The following NHSL1 variants were observed in gnomAD, a reference collection of about 807,000 sequenced individuals.
NHSL1 encodes the protein NHS like 1, also known as NHS-like protein 1.
A neutral mutation model predicts 95.0 loss-of-function variants in NHSL1; 48 were observed. The observed-to-expected ratio is 0.51, with a 90% CI of 0.40 to 0.64. The LOEUF (loss-of-function observed/expected upper bound fraction) is 0.64, where lower values mean the gene tolerates loss of function less well. NHSL1 is among the 30% of genes least tolerant of loss of function. NHSL1 has a pLI of 0.00. For missense variants in NHSL1, 1,971 were observed against 2,077.7 expected (o/e 0.95, Z 1.00); for synonymous variants, 783 against 833.9 (o/e 0.94, Z 1.05).
intron 2 of NHSL1, among the ~76,000 whole-genome samples, chr6:138,478,712 T>C (rs1779239190): frequency 6.6e-6 from 1 of 152,348 alleles, no homozygotes; most frequent in East Asian, 1.9e-4. Context: ...AGAAGACCAA[T>C]CGTTCACACA....
chr6:138,544,788 T>A (rs1336421476), intron 1 of NHSL1, among the ~76,000 whole-genome samples: 2 of 152,088 alleles, frequency 1.3e-5, no homozygotes, highest in Non-Finnish European at 2.9e-5. Context: ...CACTCTCACA[T>A]GCCTACATTA....
intron 1 of NHSL1, among the ~76,000 whole-genome samples, chr6:138,555,924 G>A (rs966039526): frequency 3.3e-5 from 5 of 151,996 alleles, no homozygotes; most frequent in Non-Finnish European, 5.9e-5. Context: ...CCTTGAGCAA[G>A]CTAACTCACT....
intron 1 of NHSL1, among the ~76,000 whole-genome samples, chr6:138,633,053 C>T (rs9495170): frequency 0.098 from 14,824 of 151,846 alleles, 899 homozygotes; most frequent in African/African-American, 0.17. Context: ...ATAAAAAATG[C>T]AATTAGCCTA....
chr6:138,443,404 C>T (rs562302017), intron 4 of NHSL1, among the ~76,000 whole-genome samples: 4 of 152,286 alleles, frequency 2.6e-5, no homozygotes, highest in East Asian at 1.9e-4. Flanking sequence ...AAAACTGGGT[C>T]GCTAAGTGCA....
intron 1 of NHSL1, among the ~76,000 whole-genome samples, chr6:138,691,283 A>T (rs984834136): frequency 2.6e-5 from 4 of 152,188 alleles, no homozygotes; most frequent in Non-Finnish European, 5.9e-5. Context: ...CACAATTCAT[A>T]TGAATGTGTT....
In NHSL1 at chr6:138,689,315, A is replaced by G. The variant is rs144459175; in HGVS notation, c.96+3161T>C. Among the ~76,000 whole-genome samples, 1,130 of 152,360 alleles carry G rather than the reference A, an allele frequency of 7.4e-3. 12 individuals carry two copies. Among genetic ancestry groups the G allele is most frequent in the African/African-American group, 0.026 (1,076 of 41,580 alleles). ...CGAGGTGAACCAATGCCATGGGAAC[A>G]GCCCCTCAACCTGGGGGTGTCAGGG... On this transcript the variant is annotated intron_variant, in intron 1 of 3. Coordinates refer to the NHSL1 transcript ENST00000491526.
intron 1 of NHSL1, among the ~76,000 whole-genome samples, chr6:138,507,633 TC>T (rs1011685183): frequency 1.1e-4 from 16 of 152,186 alleles, no homozygotes; most frequent in African/African-American, 3.9e-4. Flanking sequence ...AGAGATACTG[TC>T]CACAGAATGA....
At chr6:138,632,627 C>T (rs778457523) in intron 1 of NHSL1, among the ~76,000 whole-genome samples, 12 of 152,178 alleles carry the variant, frequency 7.9e-5, no homozygotes, top group Admixed American at 1.3e-4. Context: ...GTTACCTCTA[C>T]GAGTCTGAAA....
At chr6:138,607,343 A>T (rs1784448565) in intron 1 of NHSL1, among the ~76,000 whole-genome samples, 1 of 152,210 alleles carries the variant, frequency 6.6e-6, no homozygotes. Flanking sequence ...CTATCATCGG[A>T]CAAAACCAAC....
At position 138,601,455 on chromosome 6, in the gene NHSL1, C is replaced by T. The variant is rs185996997; in HGVS notation, c.96+91021G>A. Reference sequence around the variant, plus strand: ...GCACCTGTTATGCAGAAAACTCATACAAGAGGAGTACTATTTTAAAAAATT... The same window carrying T: ...GCACCTGTTATGCAGAAAACTCATATAAGAGGAGTACTATTTTAAAAAATT... On this transcript the variant is annotated intron_variant, in intron 1 of 3. Coordinates refer to the NHSL1 transcript ENST00000491526. Among the ~76,000 whole-genome samples, 4 of 152,290 alleles carry T rather than the reference C, an allele frequency of 2.6e-5. No individual in the cohort carries two copies. In the East Asian group the frequency reaches 7.7e-4, roughly 29 times the overall value.
chr6:138,576,500 CT>C (rs1783974976), upstream of NHSL1, among the ~76,000 whole-genome samples: 1 of 152,188 alleles, frequency 6.6e-6, no homozygotes, highest in Non-Finnish European at 1.5e-5. Context: ...CACTGTCAGG[CT>C]GTCAAATTCG....
chr6:138,481,403 AT>A (rs1233069132), intron 2 of NHSL1, among the ~76,000 whole-genome samples: 6 of 152,182 alleles, frequency 3.9e-5, no homozygotes, highest in African/African-American at 1.4e-4. Context: ...TGCACGATGA[AT>A]TTTCCAAAAA....
rs1780350563 is a variant in NHSL1 at position 138,496,356 on chromosome 6, T to C, written c.74A>G (p.Asp25Gly). The C allele has an allele frequency of 1.9e-6, 3 of 1,550,184 alleles. No individual in the cohort carries two copies. Among genetic ancestry groups the C allele is most frequent in the Non-Finnish European group, 2.6e-6 (3 of 1,146,862 alleles). Residue 25 changes from aspartate to glycine, a missense_variant, in exon 2 of 8, where the codon GAT (aspartate) becomes GGT (glycine). By Grantham distance (94) the Asp-to-Gly change is moderately conservative. Around this residue, in one of 3 missense-constraint regions of NHSL1, gnomAD observed 1,602 missense variants for 1,654.5 expected, o/e 0.97. Coordinates refer to ENST00000343505, the MANE Select transcript of NHSL1 (RefSeq NM_001144060.2). Reference protein sequence around the residue: ...LFKKKTVSNLDEESRWTVHYT... With the variant: ...LFKKKTVSNLGEESRWTVHYT... The stretch of plus-strand genomic sequence containing the variant: ...GTGGACTGTCCATCGGCTTTCCTCA[T>C]CTAGGTTGGAAACCGCTATAGAAAA...
intron 1 of NHSL1, among the ~76,000 whole-genome samples, chr6:138,536,554 T>C (rs1011056146): frequency 1.7e-4 from 25 of 151,422 alleles, no homozygotes; most frequent in African/African-American, 5.3e-4. Flanking sequence ...GCATTCAATC[T>C]TTTCAGCATT....
intron 1 of NHSL1, among the ~76,000 whole-genome samples, chr6:138,593,167 A>G (rs935502792): frequency 1.3e-5 from 2 of 152,220 alleles, no homozygotes; most frequent in African/African-American, 4.8e-5. Context: ...AGTGACAAAT[A>G]ATTCACATGT....
chr6:138,428,089 TTTTGGGAAAAAATATGCAGTAA>T (rs1002329215), intron 7 of NHSL1, among the ~76,000 whole-genome samples: 4 of 152,214 alleles, frequency 2.6e-5, no homozygotes, highest in Non-Finnish European at 5.9e-5. Flanking sequence ...TTTGGCATAT[TTTTGGGAAAAAATATGCAGTAA>T]TTTGGACCCA....
chr6:138,545,784 T>C, upstream of NHSL1: 1 of 1,201,794 alleles, frequency 8.3e-7, no homozygotes, highest in Non-Finnish European at 1.1e-6. Context: ...AGGAAGCCAC[T>C]GCCCAATCCC....
At chr6:138,673,030 GGTAGATAGA>G (rs748244562) in intron 1 of NHSL1, among the ~76,000 whole-genome samples, 1 of 58,374 alleles carries the variant, frequency 1.7e-5, no homozygotes, top group South Asian at 7.4e-4. Context: ...TAGATAGATA[GGTAGATAGA>G]TAGATAGATA....
intron 1 of NHSL1, among the ~76,000 whole-genome samples, chr6:138,641,044 A>G (rs959318924): frequency 6.6e-6 from 1 of 152,234 alleles, no homozygotes; most frequent in Non-Finnish European, 1.5e-5. Context: ...CCCAAAGCCA[A>G]TCTCAGCTGA....
Sources: gnomAD v4.1 joint callset for allele counts (sites outside exome capture counted in the v4.1 genomes callset) on GRCh38, gnomAD v4.1.1 for gene constraint, gnomAD v4.1.1 regional missense constraint, MANE v1.5 for transcripts, NCBI Gene and HGNC (gene_info 2026-07-23, HGNC 2026-07-21) for gene names.